CALN1: variants seen among roughly 807,000 people sequenced by gnomAD.
CALN1 encodes the protein calneuron 1, also known as calcium-binding protein 8.
CALN1 carries 17 observed loss-of-function variants against 30.6 expected under a neutral mutation model. The observed-to-expected ratio is 0.56, with a 90% CI of 0.38 to 0.83. The LOEUF (loss-of-function observed/expected upper bound fraction) is 0.83, where lower values mean the gene tolerates loss of function less well. CALN1 is among the 40% of genes least tolerant of loss of function. CALN1 has a pLI of 0.00. For synonymous variants in CALN1, 156 were observed against 131.4 expected, an observed-to-expected ratio of 1.19 and a Z score of -1.28; for missense variants, 291 against 354.9, an observed-to-expected ratio of 0.82 and a Z score of 1.45.
chr7:71,927,007 G>C (rs1384312272), intron 5 of CALN1, among the ~76,000 whole-genome samples: 1 of 152,070 alleles, frequency 6.6e-6, no homozygotes, highest in Non-Finnish European at 1.5e-5. Context: ...TTTGACTCTT[G>C]ACAGTGAGTT....
chr7:72,203,983 T>A (rs1421542824), intron 3 of CALN1, among the ~76,000 whole-genome samples: 14 of 60,574 alleles, frequency 2.3e-4, no homozygotes, highest in South Asian at 1.2e-3. Context: ...CTCTCTCTTT[T>A]TTTTTTTTTT....
At chr7:72,212,166 C>T (rs1792449946) in intron 3 of CALN1, among the ~76,000 whole-genome samples, 1 of 151,978 alleles carries the variant, frequency 6.6e-6, no homozygotes, top group Admixed American at 6.6e-5. Context: ...TCCTGGCTAA[C>T]AGTGAAACCC....
At chr7:72,013,701 T>C (rs1362633704) in intron 5 of CALN1, among the ~76,000 whole-genome samples, 3 of 152,178 alleles carry the variant, frequency 2.0e-5, no homozygotes, top group Admixed American at 6.6e-5. Context: ...TGACTATAAA[T>C]GGATGCATAA....
chr7:72,247,173 A>C (rs1795228044), intron 3 of CALN1, among the ~76,000 whole-genome samples: 1 of 148,308 alleles, frequency 6.7e-6, no homozygotes, highest in Admixed American at 6.8e-5. Flanking sequence ...AAGGTATTTC[A>C]TGAACTTCGT....
At chr7:71,913,934 G>A (rs1480791470) in intron 5 of CALN1, 2 of 152,210 alleles carry the variant, frequency 1.3e-5, no homozygotes, top group Non-Finnish European at 2.9e-5. Context: ...AGGAATCATT[G>A]TCCCTGGCTT....
intron 2 of CALN1, among the ~76,000 whole-genome samples, chr7:72,290,081 A>G (rs1006187699): frequency 0.011 from 32 of 3,000 alleles, no homozygotes; most frequent in Middle Eastern, 0.045. Flanking sequence ...CCCTGTCTTA[A>G]AAAAAAAAAA....
chr7:72,049,311 G>A (rs1443284882), intron 4 of CALN1, among the ~76,000 whole-genome samples: 1 of 152,114 alleles, frequency 6.6e-6, no homozygotes, highest in Admixed American at 6.5e-5. Context: ...AACTTTACAA[G>A]AGAGAAAGAC....
chr7:72,255,539 C>T (rs931732651), intron 3 of CALN1, among the ~76,000 whole-genome samples: 1 of 149,948 alleles, frequency 6.7e-6, no homozygotes, highest in Admixed American at 6.7e-5. Flanking sequence ...TTCAGCTTCC[C>T]GAGTAGCTAG....
chr7:72,433,668 C>A (rs1808050482), intron 1 of CALN1, among the ~76,000 whole-genome samples: 1 of 152,120 alleles, frequency 6.6e-6, no homozygotes, highest in Non-Finnish European at 1.5e-5. Flanking sequence ...GGTGAATTTA[C>A]AATCTAGCTG....
chr7:71,799,442 T>TTTATTTAG (rs1562789410), intron 6 of CALN1, among the ~76,000 whole-genome samples: 1 of 139,170 alleles, frequency 7.2e-6, no homozygotes, highest in African/African-American at 2.9e-5. Flanking sequence ...TATTTATTTA[T>TTTATTTAG]TTATTTATTT....
At chr7:71,889,398 CA>C (rs200217221) in intron 5 of CALN1, among the ~76,000 whole-genome samples, 13 of 149,774 alleles carry the variant, frequency 8.7e-5, no homozygotes, top group African/African-American at 2.2e-4. Flanking sequence ...GACGTTGGGG[CA>C]AAAAAAAATC....
intron 5 of CALN1, among the ~76,000 whole-genome samples, chr7:71,812,926 C>CATTATT (rs566341266): frequency 0.067 from 6,265 of 94,090 alleles, 264 homozygotes; most frequent in East Asian, 0.24. Context: ...TTATCATCAT[C>CATTATT]ATCATTATTA....
At chr7:72,212,349 CAAA>C (rs35123942) in intron 3 of CALN1, among the ~76,000 whole-genome samples, 2 of 96,518 alleles carry the variant, frequency 2.1e-5, no homozygotes, top group Admixed American at 1.1e-4. Context: ...CACACCGTCT[CAAA>C]AAAAAAAAAA....
chr7:72,177,286 G>A lies in CALN1; in HGVS notation c.245-70992C>T, dbSNP rs140844047. Among the ~76,000 whole-genome samples the A allele has an allele frequency of 1.8e-3, 275 of 152,282 alleles. 4 individuals are homozygous for A. The East Asian group carries it at 0.037, about 20-fold the overall frequency. On this transcript the variant is annotated intron_variant, in intron 3 of 6. Coordinates refer to ENST00000395275, the MANE Select transcript of CALN1 (RefSeq NM_031468.4). ...GACTTAGAGAGGAGGACACTTGGAG[G>A]AGGAGACAGATTTAAGGAAGGTAAA...
At chr7:72,339,607 T>G (rs774089776) in intron 2 of CALN1, among the ~76,000 whole-genome samples, 9 of 152,206 alleles carry the variant, frequency 5.9e-5, no homozygotes, top group Non-Finnish European at 8.8e-5. Context: ...TCTGTTCTTA[T>G]GCTGCTAATA....
At chr7:72,245,173 T>C (rs1332422698) in intron 3 of CALN1, among the ~76,000 whole-genome samples, 1 of 152,194 alleles carries the variant, frequency 6.6e-6, no homozygotes, top group African/African-American at 2.4e-5. Flanking sequence ...CCCTCTGAAC[T>C]GTTCAAGTTT....
chr7:72,094,234 G>T (rs1400368567), intron 4 of CALN1, among the ~76,000 whole-genome samples: 1 of 152,078 alleles, frequency 6.6e-6, no homozygotes, highest in Non-Finnish European at 1.5e-5. Flanking sequence ...TGTAATATTG[G>T]ATGAGGCTGC....
intron 5 of CALN1, among the ~76,000 whole-genome samples, chr7:71,823,844 G>A (rs6979295): frequency 0.035 from 5,264 of 152,258 alleles, 269 homozygotes; most frequent in African/African-American, 0.12. Flanking sequence ...GGCAGAAGAC[G>A]AAGGAAGAAC....
At chr7:71,797,147 A>G (rs1786975705) in intron 6 of CALN1, among the ~76,000 whole-genome samples, 1 of 152,194 alleles carries the variant, frequency 6.6e-6, no homozygotes, top group African/African-American at 2.4e-5. Context: ...GCTGGGCTGC[A>G]TGTTTTCAGA....
Sources: allele counts gnomAD v4.1 joint callset (sites outside exome capture counted in the v4.1 genomes callset), GRCh38; gene constraint gnomAD v4.1.1; transcripts MANE v1.5; gene names NCBI Gene and HGNC (gene_info 2026-07-23, HGNC 2026-07-21).